The following NEGR1 variants were observed in gnomAD, a reference collection of about 807,000 sequenced individuals.
NEGR1 encodes neuronal growth regulator 1, also known as IgLON family member 4.
A neutral mutation model predicts 40.9 loss-of-function variants in NEGR1; 10 were observed. The observed-to-expected ratio is 0.24, with a 90% CI of 0.15 to 0.42. The LOEUF (loss-of-function observed/expected upper bound fraction) is 0.42. Ranked by LOEUF, NEGR1 falls within the 10% of genes least tolerant of loss-of-function variation. The pLI, the probability that NEGR1 is intolerant of heterozygous loss-of-function variation, is 1.00. For synonymous variants in NEGR1, 185 were observed against 166.8 expected (o/e 1.11, Z -0.84); for missense variants, 352 against 438.9 (o/e 0.80, Z 1.77).
chr1:71,735,304 T>C (rs115667407), intron 3 of NEGR1, among the ~76,000 whole-genome samples: 438 of 152,220 alleles, frequency 2.9e-3, no homozygotes, highest in Middle Eastern at 6.8e-3. Context: ...TGCTTGAGTC[T>C]CTTTCTTATT....
At chr1:71,746,001 T>G (rs1274267765) in intron 3 of NEGR1, among the ~76,000 whole-genome samples, 1 of 152,162 alleles carries the variant, frequency 6.6e-6, no homozygotes, top group Non-Finnish European at 1.5e-5. Context: ...CTTGCTGAGT[T>G]TCCCCCCTCA....
At position 72,109,902 on chromosome 1, in the gene NEGR1, C is replaced by T. The variant is rs1282643074; in HGVS notation, c.176+172417G>A. Among the ~76,000 whole-genome samples the T allele has an allele frequency of 2.0e-5, 3 of 151,604 alleles. No homozygotes were observed. In the Admixed American group the frequency reaches 2.0e-4, roughly 10 times the overall value. ...AGATTCTTAAAATAAAATTATTAAA[C>T]CTTCTTACTCAGTTTGTTCCCCCCA... On this transcript the variant is annotated intron_variant, in intron 1 of 6. Transcript: ENST00000357731.
intron 6 of NEGR1, among the ~76,000 whole-genome samples, chr1:71,440,741 A>T (rs867487237): frequency 6.6e-6 from 1 of 152,350 alleles, no homozygotes. Context: ...CCAAATGCAC[A>T]TTAAAGTTTG....
chr1:71,572,424 C>A (rs1648837249), intron 6 of NEGR1, among the ~76,000 whole-genome samples: 1 of 152,210 alleles, frequency 6.6e-6, no homozygotes, highest in Non-Finnish European at 1.5e-5. Context: ...AAACTCTTAA[C>A]ACATACTTAT....
At chr1:71,999,607 A>G (rs771720513) in intron 1 of NEGR1, among the ~76,000 whole-genome samples, 25 of 132,332 alleles carry the variant, frequency 1.9e-4, no homozygotes, top group Non-Finnish European at 3.8e-4. Flanking sequence ...CAAAATTCTT[A>G]TGTATTTGCA....
intron 1 of NEGR1, among the ~76,000 whole-genome samples, chr1:72,051,642 G>T (rs929160805): frequency 2.6e-5 from 4 of 151,502 alleles, no homozygotes; most frequent in Non-Finnish European, 5.9e-5. Context: ...GAAGGGAAGG[G>T]TTGGTAAATT....
intron 2 of NEGR1, among the ~76,000 whole-genome samples, chr1:71,882,402 CT>C (rs1660605880): frequency 6.6e-6 from 1 of 151,924 alleles, no homozygotes; most frequent in Non-Finnish European, 1.5e-5. Context: ...CCCCTAAGGG[CT>C]TTATTATTAA....
intron 2 of NEGR1, among the ~76,000 whole-genome samples, chr1:71,934,801 T>G (rs936822497): frequency 6.6e-6 from 1 of 152,244 alleles, no homozygotes; most frequent in East Asian, 1.9e-4. Flanking sequence ...ACTACAATAC[T>G]TGCATACCTT....
intron 1 of NEGR1, among the ~76,000 whole-genome samples, chr1:71,952,935 A>G (rs1414596246): frequency 6.7e-6 from 1 of 150,272 alleles, no homozygotes; most frequent in East Asian, 2.0e-4. Flanking sequence ...ATTTTAAGTC[A>G]TAGTTAAGAC....
intron 1 of NEGR1, among the ~76,000 whole-genome samples, chr1:72,225,173 A>G (rs1389945648): frequency 4.6e-5 from 7 of 151,998 alleles, no homozygotes. Context: ...ACCAGAATCT[A>G]TATCATATAG....
chr1:72,261,408 C>A (rs1055676911), intron 1 of NEGR1, among the ~76,000 whole-genome samples: 1 of 151,892 alleles, frequency 6.6e-6, no homozygotes, highest in Admixed American at 6.6e-5. Context: ...TTATGCAGAA[C>A]ACTGGTTTAA....
chr1:71,969,541 A>G (rs761216987), intron 1 of NEGR1, among the ~76,000 whole-genome samples: 1 of 152,194 alleles, frequency 6.6e-6, no homozygotes. Flanking sequence ...ATTTTCTGCC[A>G]TGACAGCCCT....
intron 1 of NEGR1, among the ~76,000 whole-genome samples, chr1:72,137,779 C>T (rs1650524406): frequency 6.6e-6 from 1 of 151,890 alleles, no homozygotes; most frequent in Non-Finnish European, 1.5e-5. Context: ...TTTCTCAAAA[C>T]TAGTGATAGA....
At chr1:71,791,079 T>C (rs888123196) in intron 2 of NEGR1, among the ~76,000 whole-genome samples, 2 of 152,186 alleles carry the variant, frequency 1.3e-5, no homozygotes, top group African/African-American at 2.4e-5. Flanking sequence ...ATTTCACATA[T>C]AGTTTTTCCC....
Position 72,160,639 on chromosome 1 carries a change from C to T in NEGR1, c.176+121680G>A, listed in dbSNP as rs75402905. On this transcript the variant is annotated intron_variant, in intron 1 of 6. Transcript: ENST00000357731. ...TATACATAGATTCTATCATGATTCT[C>T]GCTCCTGAAAATACTAACAAAGGGG... Among the ~76,000 whole-genome samples, 512 of 152,192 alleles carry T rather than the reference C, an allele frequency of 3.4e-3. 2 individuals carry two copies. The highest frequency in any genetic ancestry group is 0.012 in the African/African-American group (492 of 41,548).
At chr1:72,265,443 ATAAC>A (rs1655607274) in intron 1 of NEGR1, among the ~76,000 whole-genome samples, 1 of 151,176 alleles carries the variant, frequency 6.6e-6, no homozygotes, top group South Asian at 2.1e-4. Flanking sequence ...ATTTAATTAA[ATAAC>A]TAAGAATTAA....
intron 6 of NEGR1, among the ~76,000 whole-genome samples, chr1:71,500,983 T>A (rs1299098438): frequency 6.6e-6 from 1 of 152,142 alleles, no homozygotes; most frequent in Non-Finnish European, 1.5e-5. Context: ...GAGAGCCAAC[T>A]GTATGTTTAA....
At chr1:72,057,746 G>A (rs1032587901) in intron 1 of NEGR1, among the ~76,000 whole-genome samples, 1 of 151,424 alleles carries the variant, frequency 6.6e-6, no homozygotes, top group African/African-American at 2.4e-5. Context: ...AAATGTGCCA[G>A]CATGGTTGGT....
At chr1:71,571,969 G>T (rs1044677774) in intron 6 of NEGR1, among the ~76,000 whole-genome samples, 2 of 152,018 alleles carry the variant, frequency 1.3e-5, no homozygotes, top group Non-Finnish European at 2.9e-5. Context: ...CTGAAACTGG[G>T]CAGGGCTGAC....
Sources: gnomAD v4.1 joint callset for allele counts (sites outside exome capture counted in the v4.1 genomes callset) on GRCh38, gnomAD v4.1.1 for gene constraint, MANE v1.5 for transcripts, NCBI Gene and HGNC (gene_info 2026-07-23, HGNC 2026-07-21) for gene names.